Variants in SHISA6 observed in about 807,000 individuals in gnomAD.
The protein encoded by SHISA6 is shisa family member 6.
SHISA6 carries 22 observed loss-of-function variants against 47.9 expected under a neutral mutation model. The ratio of observed to expected loss-of-function variants is 0.46; its 90% CI spans 0.33 to 0.66. The LOEUF (loss-of-function observed/expected upper bound fraction) is 0.66. Ranked by LOEUF, SHISA6 falls within the 30% of genes least tolerant of loss-of-function variation. The pLI, the probability that SHISA6 is intolerant of heterozygous loss-of-function variation, is 0.02. For missense variants in SHISA6, 680 were observed against 764.6 expected (o/e 0.89, Z 1.30); for synonymous variants, 388 against 337.8 (o/e 1.15, Z -1.63).
chr17:11,282,173 T>C (rs925051041), intron 2 of SHISA6, among the ~76,000 whole-genome samples: 8 of 152,132 alleles, frequency 5.3e-5, no homozygotes, highest in Non-Finnish European at 1.0e-4. Context: ...TCAAAAGAGG[T>C]CCCCAAACTT....
chr17:11,287,771 A>G (rs1909373284), intron 2 of SHISA6, among the ~76,000 whole-genome samples: 1 of 92,990 alleles, frequency 1.1e-5, no homozygotes, highest in Non-Finnish European at 2.3e-5. Context: ...AGGGAAGGAA[A>G]GAAGGAAGGC....
At position 11,241,906 on chromosome 17, in the gene SHISA6, G is replaced by A; in HGVS notation, c.484G>A (p.Gly162Arg). ...QTPSTKVVSP[G>R]PENKYDPEKD... ...GCCCAGCACCAAGGTGGTGTCGCCG[G>A]GGCCCGAGAACAAGTACGACCCGGA... Residue 162 changes from glycine to arginine, a missense_variant, in exon 1 of 6, where the codon GGG becomes AGG. By Grantham distance (125) the Gly-to-Arg change is moderately radical. Coordinates refer to ENST00000441885, the MANE Select transcript of SHISA6 (RefSeq NM_207386.4). The surrounding 1 kb of genome is among the most constrained non-coding windows in gnomAD (Gnocchi z 5.5). The A allele has an allele frequency of 6.4e-7, 1 of 1,551,100 alleles. No individual in the cohort carries two copies.
intron 3 of SHISA6, among the ~76,000 whole-genome samples, chr17:11,520,787 G>C (rs763156098): frequency 6.6e-6 from 1 of 152,100 alleles, no homozygotes; most frequent in East Asian, 1.9e-4. Context: ...AAACTACCTC[G>C]ATCACCCTAA....
At chr17:11,502,586 G>A (rs1457580439) in intron 3 of SHISA6, among the ~76,000 whole-genome samples, 1 of 151,588 alleles carries the variant, frequency 6.6e-6, no homozygotes, top group Non-Finnish European at 1.5e-5. Context: ...AATTAGCCAC[G>A]CATGGTGGTG....
chr17:11,244,166 G>A (rs1273695723), intron 1 of SHISA6, among the ~76,000 whole-genome samples: 4 of 152,176 alleles, frequency 2.6e-5, no homozygotes, highest in African/African-American at 4.8e-5. Context: ...GAAGGGAGAT[G>A]AATTTCAGGC....
At chr17:11,463,526 T>C (rs1915741316) in intron 3 of SHISA6, among the ~76,000 whole-genome samples, 1 of 152,236 alleles carries the variant, frequency 6.6e-6, no homozygotes, top group African/African-American at 2.4e-5. Flanking sequence ...TAAATGCTTT[T>C]AACAGAATCT....
At chr17:11,421,664 A>G (rs371376232) in intron 3 of SHISA6, among the ~76,000 whole-genome samples, 76 of 152,356 alleles carry the variant, frequency 5.0e-4, no homozygotes, top group African/African-American at 1.7e-3. Flanking sequence ...TTTGCCTCAG[A>G]GGCCTTCTGT....
intron 3 of SHISA6, among the ~76,000 whole-genome samples, chr17:11,407,491 TTG>T (rs1491276817): frequency 9.7e-6 from 1 of 103,536 alleles, no homozygotes; most frequent in African/African-American, 3.8e-5. Context: ...GTTTAGCATA[TTG>T]TTTTTTTTTT....
At chr17:11,380,255 T>C (rs1427768781) in intron 3 of SHISA6, 10 of 152,232 alleles carry the variant, frequency 6.6e-5, no homozygotes, top group Non-Finnish European at 1.0e-4. Context: ...AATTCTGTTG[T>C]AGGGGTAGTG....
chr17:11,381,026 T>G (rs975925078), intron 3 of SHISA6, among the ~76,000 whole-genome samples: 6 of 152,156 alleles, frequency 3.9e-5, no homozygotes, highest in African/African-American at 1.2e-4. Context: ...TTGCAATATC[T>G]TATTCTGAGT....
At chr17:11,519,718 A>G (rs2071613216) in intron 3 of SHISA6, among the ~76,000 whole-genome samples, 1 of 151,420 alleles carries the variant, frequency 6.6e-6, no homozygotes, top group South Asian at 2.1e-4. Flanking sequence ...CCAAACTCCC[A>G]TATGTTTCTC....
intron 3 of SHISA6, among the ~76,000 whole-genome samples, chr17:11,509,267 A>G (rs967199429): frequency 6.6e-6 from 1 of 152,212 alleles, no homozygotes; most frequent in Non-Finnish European, 1.5e-5. Context: ...TCGCAAGTCC[A>G]TGAACAATCT....
intron 3 of SHISA6, among the ~76,000 whole-genome samples, chr17:11,526,690 C>A (rs1292688938): frequency 6.6e-6 from 1 of 151,902 alleles, no homozygotes; most frequent in Admixed American, 6.6e-5. Context: ...TAAAAACAAA[C>A]CAGAATGGAG....
intron 2 of SHISA6, among the ~76,000 whole-genome samples, chr17:11,351,331 C>T (rs903499122): frequency 9.2e-5 from 14 of 152,268 alleles, no homozygotes; most frequent in South Asian, 8.3e-4. Flanking sequence ...AATACTATCC[C>T]GTCTTTATCT....
At chr17:11,382,451 C>A (rs374977223) in intron 3 of SHISA6, among the ~76,000 whole-genome samples, 3 of 152,268 alleles carry the variant, frequency 2.0e-5, no homozygotes, top group African/African-American at 7.2e-5. Context: ...GGGCAAGGAA[C>A]CATCCTCTCT....
intron 3 of SHISA6, among the ~76,000 whole-genome samples, chr17:11,494,573 A>G (rs2071392505): frequency 6.6e-6 from 1 of 152,222 alleles, no homozygotes; most frequent in South Asian, 2.1e-4. Context: ...CCTAGGGTTA[A>G]TTCCCCAAAA....
At chr17:11,360,013 A>G (rs1340781858) in intron 2 of SHISA6, among the ~76,000 whole-genome samples, 1 of 152,234 alleles carries the variant, frequency 6.6e-6, no homozygotes, top group Non-Finnish European at 1.5e-5. Context: ...AGACACATGC[A>G]CATGTATGTT....
rs71142209 is a variant in SHISA6 at position 11,423,239 on chromosome 17, G to GTATATA, written c.895+43741_895+43746dup. Among the ~76,000 whole-genome samples, 722 of 134,612 alleles carry GTATATA rather than the reference G, an allele frequency of 5.4e-3. 8 individuals carry two copies. The highest frequency in any genetic ancestry group is 0.035 in the East Asian group (153 of 4,420). 88.3% of individuals were successfully genotyped at this position (134,612 alleles called of 152,430 possible). A position where few individuals can be genotyped will look rare whatever the true frequency, so the allele number is the denominator to read the frequency against. On this transcript the variant is annotated intron_variant, in intron 3 of 5. Coordinates refer to ENST00000441885, the MANE Select transcript of SHISA6 (RefSeq NM_207386.4). ...TATGTGTGTGTGTGTGTGTGTGTGT[G>GTATATA]TATATATATATATATAATATATATA...
intron 3 of SHISA6, among the ~76,000 whole-genome samples, chr17:11,460,526 G>C (rs1240790142): frequency 6.6e-6 from 1 of 152,124 alleles, no homozygotes; most frequent in Non-Finnish European, 1.5e-5. Flanking sequence ...TGAGTAGCTG[G>C]GATTACAGGC....
Sources: allele counts gnomAD v4.1 joint callset (sites outside exome capture counted in the v4.1 genomes callset), GRCh38; gene constraint gnomAD v4.1.1; non-coding constraint Gnocchi (gnomAD v3.1); transcripts MANE v1.5; gene names NCBI Gene and HGNC (gene_info 2026-07-23, HGNC 2026-07-21).